The following PRDM16 variants were observed in gnomAD, a reference collection of about 807,000 sequenced individuals.
PRDM16 encodes the protein histone-lysine N-methyltransferase PRDM16.
In PRDM16, 23 loss-of-function variants were observed where a neutral mutation model predicts 110.6. The observed-to-expected ratio is 0.21, with a 90% CI of 0.15 to 0.29. The LOEUF is 0.29. Ranked by LOEUF, PRDM16 falls within the 10% of genes least tolerant of loss-of-function variation. The probability of loss-of-function intolerance (pLI) is 1.00; values close to 1 mark genes in which losing one functional copy is unlikely to be tolerated. For synonymous variants in PRDM16, 799 were observed against 781.8 expected, an observed-to-expected ratio of 1.02 and a Z score of -0.37; for missense variants, 1,615 against 1,794.3, an observed-to-expected ratio of 0.90 and a Z score of 1.81.
chr1:3,426,942 C>T (rs80243652), intron 14 of PRDM16, among the ~76,000 whole-genome samples: 2,673 of 152,260 alleles, frequency 0.018, 36 homozygotes, highest in Non-Finnish European at 0.027. Context: ...CATGCACACA[C>T]GTGTACATAA....
rs774486846 is a variant in PRDM16 at position 3,405,467 on chromosome 1, C to T, written c.1033-28C>T. The T allele has an allele frequency of 1.3e-5, 20 of 1,530,514 alleles. No homozygotes were observed. In the South Asian group the frequency reaches 1.8e-4, roughly 13 times the overall value. The allele number at this position is 1,530,514 out of a possible 1,614,324, so 94.8% of individuals were successfully genotyped here. ...GGCCAAGGCGGGTGTCCAGGCAGGG[C>T]ACGCGCCAACGGCATCCGTCTCCCC... On this transcript the variant is annotated intron_variant, in intron 7 of 16. Coordinates refer to ENST00000270722, the MANE Select transcript of PRDM16 (RefSeq NM_022114.4).
At chr1:3,281,863 G>C (rs1640717292) in intron 3 of PRDM16, among the ~76,000 whole-genome samples, 1 of 152,244 alleles carries the variant, frequency 6.6e-6, no homozygotes, top group South Asian at 2.1e-4. Flanking sequence ...CGCCATCCCT[G>C]TACCAGGGGG....
At chr1:3,354,320 C>T (rs1428196413) in intron 3 of PRDM16, among the ~76,000 whole-genome samples, 1 of 151,942 alleles carries the variant, frequency 6.6e-6, no homozygotes. Context: ...ATTAGCCAGG[C>T]GTTGTGGTGC....
At chr1:3,147,006 TG>T (rs1262998901) in intron 1 of PRDM16, among the ~76,000 whole-genome samples, 4 of 60,586 alleles carry the variant, frequency 6.6e-5, no homozygotes, top group African/African-American at 1.5e-4. Context: ...GTGCTTGGTG[TG>T]GGGGGTATGC....
rs549676193 is a variant in PRDM16, at chr1:3,380,412, G to A, written c.439-4740G>A. Among the ~76,000 whole-genome samples, 7 of 152,204 alleles carry A rather than the reference G, an allele frequency of 4.6e-5. No homozygotes were observed. In the East Asian group the frequency reaches 5.9e-4, roughly 13 times the overall value. On this transcript the variant is annotated intron_variant, in intron 3 of 16. Transcript: ENST00000270722. ...TAAATTGGTCAGGGGTTGGGGACCC[G>A]GCCTCCGGGGACAAGGAGAAATGGC...
intron 1 of PRDM16, among the ~76,000 whole-genome samples, chr1:3,136,599 G>A (rs35794895): frequency 0.047 from 7,219 of 152,226 alleles, 244 homozygotes; most frequent in Non-Finnish European, 0.067. Flanking sequence ...GAGTGGAGCC[G>A]CCCTTGCTTT....
At chr1:3,341,505 A>G (rs1642271482) in intron 3 of PRDM16, among the ~76,000 whole-genome samples, 1 of 152,168 alleles carries the variant, frequency 6.6e-6, no homozygotes, top group South Asian at 2.1e-4. Context: ...CTGGCTAGCG[A>G]GACCCGCCGT....
At chr1:3,273,364 T>C (rs1033150229) in intron 3 of PRDM16, among the ~76,000 whole-genome samples, 1 of 152,196 alleles carries the variant, frequency 6.6e-6, no homozygotes, top group Non-Finnish European at 1.5e-5. Context: ...ACATCTCTTA[T>C]GATCCTACCC....
chr1:3,217,158 C>G (rs1377963668), intron 2 of PRDM16, among the ~76,000 whole-genome samples: 5 of 152,266 alleles, frequency 3.3e-5, no homozygotes, highest in Admixed American at 1.3e-4. Flanking sequence ...CCTCACACAC[C>G]TTTCACCGTG....
chr1:3,178,059 G>A (rs896390677), intron 1 of PRDM16, among the ~76,000 whole-genome samples: 8 of 152,180 alleles, frequency 5.3e-5, no homozygotes, highest in Non-Finnish European at 8.8e-5. Flanking sequence ...TGCAAGGCTC[G>A]GCCATGGCTG....
chr1:3,092,702 C>T (rs536258848), intron 1 of PRDM16, among the ~76,000 whole-genome samples: 1 of 152,134 alleles, frequency 6.6e-6, no homozygotes, highest in Non-Finnish European at 1.5e-5. Flanking sequence ...CTTCCTCTGG[C>T]TGGGCACCCC....
chr1:3,119,701 C>T (rs1359285321), intron 1 of PRDM16, among the ~76,000 whole-genome samples: 5 of 152,206 alleles, frequency 3.3e-5, no homozygotes, highest in South Asian at 2.1e-4. Flanking sequence ...GGGAGAGTGG[C>T]TGGGGGTGCC....
chr1:3,098,664 C>T (rs1214366076), intron 1 of PRDM16, among the ~76,000 whole-genome samples: 4 of 151,930 alleles, frequency 2.6e-5, no homozygotes, highest in African/African-American at 9.7e-5. Flanking sequence ...CTCAGTTTCT[C>T]TGGGGGATAA....
intron 1 of PRDM16, among the ~76,000 whole-genome samples, chr1:3,165,567 T>TCACCTGGGCC: frequency 9.0e-6 from 1 of 111,062 alleles, no homozygotes; most frequent in Non-Finnish European, 1.7e-5. Context: ...TCACCAGGGC[T>TCACCTGGGCC]CAGGGACAGG....
intron 1 of PRDM16, among the ~76,000 whole-genome samples, chr1:3,112,495 C>T (rs1443706681): frequency 1.3e-5 from 2 of 152,226 alleles, no homozygotes; most frequent in East Asian, 3.9e-4. Context: ...CACGGGAAGG[C>T]TCTGTGTTCC....
At chr1:3,252,902 T>C (rs1639965932) in intron 3 of PRDM16, among the ~76,000 whole-genome samples, 1 of 152,088 alleles carries the variant, frequency 6.6e-6, no homozygotes, top group Non-Finnish European at 1.5e-5. Flanking sequence ...AGGAGGGTCA[T>C]GCAGGAAAGA....
chr1:3,074,087 G>C (rs1641834321), intron 1 of PRDM16, among the ~76,000 whole-genome samples: 1 of 152,204 alleles, frequency 6.6e-6, no homozygotes, highest in Non-Finnish European at 1.5e-5. Context: ...TGGCTTTCCA[G>C]GGTAGACCCG....
At chr1:3,292,882 C>T (rs1431456378) in intron 3 of PRDM16, among the ~76,000 whole-genome samples, 3 of 152,200 alleles carry the variant, frequency 2.0e-5, no homozygotes, top group Non-Finnish European at 4.4e-5. Flanking sequence ...AGCCAAGAAG[C>T]GTGAGCAGCC....
intron 1 of PRDM16, among the ~76,000 whole-genome samples, chr1:3,154,260 G>T (rs1437087862): frequency 1.3e-5 from 2 of 152,198 alleles, no homozygotes; most frequent in African/African-American, 4.8e-5. Flanking sequence ...GTCACCACGG[G>T]CTGGCGCACT....
Sources: gnomAD v4.1 joint callset for allele counts (sites outside exome capture counted in the v4.1 genomes callset) on GRCh38, gnomAD v4.1.1 for gene constraint, MANE v1.5 for transcripts, NCBI Gene and HGNC (gene_info 2026-07-23, HGNC 2026-07-21) for gene names.